The following PSEN2 variants were observed in gnomAD, a reference collection of about 807,000 sequenced individuals.
The protein encoded by PSEN2 is presenilin-2.
A neutral mutation model predicts 49.1 loss-of-function variants in PSEN2; 32 were observed. The observed-to-expected ratio is 0.65, with a 90% CI of 0.49 to 0.88. The LOEUF (loss-of-function observed/expected upper bound fraction) is 0.88. Among genes scored for constraint, PSEN2 ranks in the 40% least tolerant of loss-of-function variants. PSEN2 has a pLI of 0.00. For synonymous variants in PSEN2, 255 were observed against 244.0 expected, an observed-to-expected ratio of 1.05 and a Z score of -0.42; for missense variants, 522 against 586.9, an observed-to-expected ratio of 0.89 and a Z score of 1.14.
intron 6 of PSEN2, among the ~76,000 whole-genome samples, chr1:226,886,229 C>A (rs1054663794): frequency 3.3e-5 from 5 of 152,206 alleles, no homozygotes; most frequent in Admixed American, 6.5e-5. Context: ...TTCCAAGCAT[C>A]ATTTCTCATA....
At chr1:226,901,683 G>A (rs944292419) in intron 12 of PSEN2, among the ~76,000 whole-genome samples, 3 of 152,106 alleles carry the variant, frequency 2.0e-5, no homozygotes, top group Admixed American at 1.3e-4. Flanking sequence ...TGTGCTTACT[G>A]GTCAGATATC....
chr1:226,883,356 T>C (rs939337958), intron 4 of PSEN2, among the ~76,000 whole-genome samples: 1 of 152,210 alleles, frequency 6.6e-6, no homozygotes, highest in Non-Finnish European at 1.5e-5. Flanking sequence ...TTTCCTCCCA[T>C]ATCAGTATGG....
chr1:226,902,626 A>G (rs1227143922), intron 12 of PSEN2, among the ~76,000 whole-genome samples: 1 of 152,146 alleles, frequency 6.6e-6, no homozygotes, highest in Non-Finnish European at 1.5e-5. Flanking sequence ...GTTTCCCACC[A>G]TTCCTGAGGG....
downstream of PSEN2, among the ~76,000 whole-genome samples, chr1:226,897,203 A>G (rs1458024024): frequency 6.6e-6 from 1 of 152,226 alleles, no homozygotes; most frequent in East Asian, 1.9e-4. Flanking sequence ...TTAAGGGGAA[A>G]GAAAAACTGA....
chr1:226,880,472 G>A, intron 3 of PSEN2: 1 of 1,454,054 alleles, frequency 6.9e-7, no homozygotes, highest in Non-Finnish European at 9.1e-7. Flanking sequence ...TGCCCAGGGT[G>A]TGAAGCTCAG....
At chr1:226,900,721 TTGTCAGTACA>T (rs1317500912), downstream of PSEN2, among the ~76,000 whole-genome samples, 1 of 152,148 alleles carries the variant, frequency 6.6e-6, no homozygotes, top group Non-Finnish European at 1.5e-5. Context: ...AGGGAGATAC[TTGTCAGTACA>T]TGTGACTAAT....
intron 3 of PSEN2, among the ~76,000 whole-genome samples, chr1:226,876,535 G>A (rs1660638190): frequency 2.6e-5 from 4 of 152,002 alleles, no homozygotes; most frequent in Admixed American, 6.6e-5. Flanking sequence ...TTATTATGGC[G>A]ACTTAGAGAA....
chr1:226,880,861 C>T lies in PSEN2; in HGVS notation c.-20-1027C>T, dbSNP rs971649518. ...CTCAGTGGCACTTCCCCACCTCACA[C>T]GTCTGCTCTCATGGCTTAGGTCTCC... On this transcript the variant is annotated intron_variant, in intron 3 of 12. Transcript: ENST00000366783. The T allele has an allele frequency of 1.3e-5, 19 of 1,431,758 alleles. No individual in the cohort carries two copies. The East Asian group carries it at 2.3e-4, about 17-fold the overall frequency. The allele number at this position is 1,431,758 out of a possible 1,614,324, so 88.7% of individuals were successfully genotyped here. A position where few individuals can be genotyped will look rare whatever the true frequency, so the allele number is the denominator to read the frequency against.
intron 3 of PSEN2, among the ~76,000 whole-genome samples, chr1:226,878,366 G>A (rs1009650903): frequency 1.3e-5 from 2 of 152,128 alleles, no homozygotes; most frequent in Non-Finnish European, 2.9e-5. Flanking sequence ...GCCCCAGGGA[G>A]CGTCTTATTA....
chr1:226,878,731 G>A (rs1165591381), intron 3 of PSEN2, among the ~76,000 whole-genome samples: 5 of 152,146 alleles, frequency 3.3e-5, no homozygotes, highest in South Asian at 2.1e-4. Flanking sequence ...GGAGGAGATC[G>A]TAGCTTCCCT....
Position 226,895,699 on chromosome 1 carries a change from G to A in PSEN2, c.*120G>A, listed in dbSNP as rs143059995. On this transcript the variant is annotated 3_prime_UTR_variant, in exon 13 of 13. Coordinates refer to ENST00000366783, the MANE Select transcript of PSEN2 (RefSeq NM_000447.3). ...TTTCTTTCCTTAAAAAATAAAGTACGTGTTTACTTGGTGAGGAGGAGGCAG... is the reference window on the plus strand; with the variant it reads ...TTTCTTTCCTTAAAAAATAAAGTACATGTTTACTTGGTGAGGAGGAGGCAG... 6.1e-4 allele frequency: 770 copies of A among 1,258,778 alleles called. 2 individuals are homozygous for A. In the African/African-American group the frequency reaches 8.1e-3, roughly 13 times the overall value. The allele number at this position is 1,258,778 out of a possible 1,614,324, so 78.0% of individuals were successfully genotyped here.
At chr1:226,874,316 G>T (rs1489724248) in intron 2 of PSEN2, among the ~76,000 whole-genome samples, 3 of 152,174 alleles carry the variant, frequency 2.0e-5, no homozygotes, top group African/African-American at 7.2e-5. Context: ...GACTTGAGTT[G>T]TAACTGTGGC....
At chr1:226,888,720 G>C (rs1661535609) in intron 7 of PSEN2, 109 bp from the exon 8 acceptor site, 2 of 945,782 alleles carry the variant, frequency 2.1e-6, no homozygotes, top group South Asian at 2.7e-5. Flanking sequence ...TGAAGGTCGG[G>C]GAAGGAAATG....
chr1:226,887,629 C>T (rs950898527), intron 6 of PSEN2, among the ~76,000 whole-genome samples: 1 of 152,180 alleles, frequency 6.6e-6, no homozygotes, highest in Non-Finnish European at 1.5e-5. Flanking sequence ...AGTCTCCTAT[C>T]ACTGTATCCT....
At chr1:226,889,196 T>A (rs1661573809) in intron 8 of PSEN2, 147 bp downstream of exon 8, 10 of 715,518 alleles carry the variant, frequency 1.4e-5, no homozygotes, top group Non-Finnish European at 2.3e-5. Context: ...GAGAGTCGCC[T>A]TTGTAAAACA....
In PSEN2 at chr1:226,881,913, C is replaced by T; in HGVS notation, c.6C>T (p.Leu2=). Residue 2 remains leucine (L), a synonymous_variant, in exon 4 of 13, where the codon CTC becomes CTT. Coordinates refer to ENST00000366783, the MANE Select transcript of PSEN2 (RefSeq NM_000447.3). M[L]TFMASDSEEE... ...GTGCTTCCAGAGGCAGGGCTATGCT[C>T]ACATTCATGGCCTCTGACAGCGAGG... The T allele has an allele frequency of 6.2e-7, 1 of 1,614,210 alleles. No individual in the cohort carries two copies. The highest frequency in any genetic ancestry group is 8.5e-7 in the Non-Finnish European group (1 of 1,180,040).
chr1:226,900,366 G>A (rs147210069), downstream of PSEN2, among the ~76,000 whole-genome samples: 26 of 152,252 alleles, frequency 1.7e-4, 1 homozygote, highest in East Asian at 5.0e-3. Context: ...GCACCCCCCT[G>A]CCCCCTCTGT....
intron 3 of PSEN2, among the ~76,000 whole-genome samples, chr1:226,878,598 G>T (rs1222588608): frequency 6.6e-6 from 1 of 152,198 alleles, no homozygotes. Flanking sequence ...TGAAGGGTGA[G>T]CCTGCCCTCT....
intron 10 of PSEN2, 137 bp from the exon 11 acceptor site, chr1:226,891,606 G>T (rs1318822041): frequency 1.2e-6 from 1 of 845,688 alleles, no homozygotes; most frequent in East Asian, 2.6e-5. Context: ...GGAAGCCCTG[G>T]TGTCAGGTGC....
Sources: allele counts gnomAD v4.1 joint callset (sites outside exome capture counted in the v4.1 genomes callset), GRCh38; gene constraint gnomAD v4.1.1; transcripts MANE v1.5; gene names NCBI Gene and HGNC (gene_info 2026-07-23, HGNC 2026-07-21).